The following ATP6V0D1 variants were observed in gnomAD, a reference collection of about 807,000 sequenced individuals.
ATP6V0D1 encodes V-type proton ATPase subunit d 1.
A neutral mutation model predicts 39.0 loss-of-function variants in ATP6V0D1; 13 were observed. That is an observed-to-expected ratio of 0.33 (90% confidence interval 0.22 to 0.53). The LOEUF (loss-of-function observed/expected upper bound fraction) is 0.53. Among genes scored for constraint, ATP6V0D1 ranks in the 20% least tolerant of loss-of-function variants. ATP6V0D1 has a pLI of 0.94. For synonymous variants in ATP6V0D1, 191 were observed against 191.2 expected (o/e 1.00, Z 0.01); for missense variants, 272 against 470.9 (o/e 0.58, Z 3.91).
rs1336013956 is a variant in ATP6V0D1, at chr16:67,452,216, C to T, written c.302+1328G>A. On this transcript the variant is annotated intron_variant, in intron 2 of 7. Coordinates refer to ENST00000290949, the MANE Select transcript of ATP6V0D1 (RefSeq NM_004691.5). ...ACACCCCATTACCAGCCTCCTGCCC[C>T]AGTAGGTCCATGTTGGCATACCTTG... 1.2e-5 allele frequency: 18 copies of T among 1,533,834 alleles called. 1 individual carries two copies. Among genetic ancestry groups the T allele is most frequent in the Middle Eastern group, 1.9e-4 (1 of 5,160 alleles).
At chr16:67,450,442 TG>T (rs2041165792) in intron 2 of ATP6V0D1, among the ~76,000 whole-genome samples, 2 of 152,012 alleles carry the variant, frequency 1.3e-5, no homozygotes, top group African/African-American at 4.8e-5. Context: ...ACACACACAC[TG>T]GGGATGGCCT....
intron 1 of ATP6V0D1, among the ~76,000 whole-genome samples, chr16:67,475,314 T>C (rs548420287): frequency 2.6e-5 from 4 of 152,358 alleles, no homozygotes; most frequent in Admixed American, 6.5e-5. Context: ...CGACTGGCGA[T>C]TGGCCAAGTC....
intron 1 of ATP6V0D1, among the ~76,000 whole-genome samples, chr16:67,479,889 T>C (rs2041450452): frequency 6.6e-6 from 1 of 152,154 alleles, no homozygotes; most frequent in South Asian, 2.1e-4. Flanking sequence ...GTACATCTGT[T>C]GGAGCTGTGC....
chr16:67,471,611 G>A (rs2041373752), intron 1 of ATP6V0D1, among the ~76,000 whole-genome samples: 1 of 151,980 alleles, frequency 6.6e-6, no homozygotes, highest in Non-Finnish European at 1.5e-5. Context: ...CTATCTAGCT[G>A]TAATTTTATA....
rs761293671 is a variant in ATP6V0D1 at position 67,453,683 on chromosome 16, C to T, written c.163G>A (p.Gly55Ser). 3 of 1,613,970 alleles carry T rather than the reference C, an allele frequency of 1.9e-6. No individual in the cohort carries two copies. Among genetic ancestry groups the T allele is most frequent in the African/African-American group, 1.3e-5 (1 of 74,886 alleles). ...LKLHLQSTDY[G>S]NFLANEASPL... ...GATGCCTCGTTGGCCAGGAAGTTAC[C>T]ATAATCAGTGCTCTGCAGATGCAGT... The change falls in exon 2 of 8, where the codon GGT (glycine) becomes AGT (serine). Residue 55 changes from glycine to serine, a missense_variant. This residue lies in a region of ATP6V0D1 where 81 missense variants were observed against 96.0 expected (regional missense o/e 0.84). Coordinates refer to ENST00000290949, the MANE Select transcript of ATP6V0D1 (RefSeq NM_004691.5). The surrounding 1 kb of genome is among the most constrained non-coding windows in gnomAD (Gnocchi z 4.1).
intron 1 of ATP6V0D1, among the ~76,000 whole-genome samples, chr16:67,471,599 TC>T (rs1567542482): frequency 1.3e-5 from 2 of 152,144 alleles, no homozygotes. Context: ...ATAGAACTTC[TC>T]CTATCTAGCT....
intron 1 of ATP6V0D1, chr16:67,458,938 C>T (rs2041266469): frequency 1.7e-6 from 1 of 576,850 alleles, no homozygotes; most frequent in Non-Finnish European, 2.2e-6. Flanking sequence ...ATCTTGGCTC[C>T]CTACTCCCAA....
intron 1 of ATP6V0D1, among the ~76,000 whole-genome samples, chr16:67,460,467 G>C (rs1195650354): frequency 6.6e-6 from 1 of 152,082 alleles, no homozygotes; most frequent in Non-Finnish European, 1.5e-5. Context: ...ACCACATCTG[G>C]AACTCTCAGT....
chr16:67,445,913 G>A (rs1487012232), intron 2 of ATP6V0D1: 2 of 455,778 alleles, frequency 4.4e-6, no homozygotes, highest in African/African-American at 4.0e-5. Flanking sequence ...CTCAGGGTAT[G>A]AGGGAGCTAA....
chr16:67,438,421 G>A lies in ATP6V0D1; in HGVS notation c.*107C>T. The A allele has an allele frequency of 4.4e-6, 6 of 1,371,472 alleles. No individual in the cohort carries two copies. Among genetic ancestry groups the A allele is most frequent in the Non-Finnish European group, 5.0e-6 (5 of 1,001,246 alleles). The allele number at this position is 1,371,472 out of a possible 1,614,324, so 85.0% of individuals were successfully genotyped here. A position where few individuals can be genotyped will look rare whatever the true frequency, so the allele number is the denominator to read the frequency against. On this transcript the variant is annotated 3_prime_UTR_variant, in exon 8 of 8. Transcript: ENST00000290949. ...CAGCGTACTACACCCCGGACAGGCA[G>A]GTGAGCCACAGGCTTGTCACAGACC...
chr16:67,438,920 G>A (rs2041011581), intron 6 of ATP6V0D1, 50 bp from the exon 7 acceptor site: 12 of 1,613,380 alleles, frequency 7.4e-6, no homozygotes, highest in South Asian at 2.2e-5. Flanking sequence ...CTGGGTGGGG[G>A]TGCTTGGTGA....
intron 1 of ATP6V0D1, chr16:67,459,369 C>T (rs1402333580): frequency 1.5e-6 from 1 of 654,434 alleles, no homozygotes; most frequent in Non-Finnish European, 1.9e-6. Flanking sequence ...ATTGCCCTGG[C>T]TCCAGCAGGG....
intron 1 of ATP6V0D1, among the ~76,000 whole-genome samples, chr16:67,465,871 C>T (rs2041324863): frequency 2.0e-5 from 3 of 152,182 alleles, no homozygotes; most frequent in Admixed American, 2.0e-4. Context: ...ACCCAAGGGA[C>T]AGTGCTGGTG....
In ATP6V0D1 at chr16:67,481,108, A is replaced by G. The variant is rs1237994923; in HGVS notation, c.-22T>C. 1.9e-6 allele frequency: 3 copies of G among 1,613,324 alleles called. No individual in the cohort carries two copies. The highest frequency in any genetic ancestry group is 1.1e-5 in the South Asian group (1 of 91,036). ...ACATGGCTGCTGCGGGAGCGGCGGG[A>G]CCGGAGAACCAGGACCGGCCGGCAC... On this transcript the variant is annotated 5_prime_UTR_variant, in exon 1 of 8. Coordinates refer to ENST00000290949, the MANE Select transcript of ATP6V0D1 (RefSeq NM_004691.5).
Position 67,444,803 on chromosome 16 carries a change from C to T in ATP6V0D1, c.303-97G>A. 8.5e-7 allele frequency: 1 copy of T among 1,173,792 alleles called. No homozygotes were observed. The highest frequency in any genetic ancestry group is 1.2e-6 in the Non-Finnish European group (1 of 852,678). 72.7% of individuals were successfully genotyped at this position (1,173,792 alleles called of 1,614,324 possible). A position where few individuals can be genotyped will look rare whatever the true frequency, so the allele number is the denominator to read the frequency against. On this transcript the variant is annotated intron_variant, in intron 2 of 7. Transcript: ENST00000290949. This position sits in a 1 kb window ranked among gnomAD's most constrained non-coding sequence, Gnocchi z 4.8. The stretch of plus-strand genomic sequence containing the variant: ...CTCGCCCGCCTGCACAGGCCATCAC[C>T]CCTTAACAATGTATGCTGACTCATG...
At chr16:67,474,351 G>A (rs1165771146) in intron 1 of ATP6V0D1, among the ~76,000 whole-genome samples, 4 of 152,194 alleles carry the variant, frequency 2.6e-5, no homozygotes, top group South Asian at 2.1e-4. Flanking sequence ...AAGTGGCTGC[G>A]CTGGGATCAG....
chr16:67,457,727 A>G (rs2041252275), intron 1 of ATP6V0D1: 1 of 1,058,796 alleles, frequency 9.4e-7, no homozygotes. Context: ...CAGGCCCCCC[A>G]CTCCTGGGCT....
intron 1 of ATP6V0D1, chr16:67,454,440 A>G (rs945175216): frequency 1.3e-5 from 2 of 152,662 alleles, no homozygotes; most frequent in African/African-American, 4.8e-5. Flanking sequence ...GGTAAGGGAA[A>G]AGGAAGGAGA....
At chr16:67,468,213 G>A (rs768742844) in intron 1 of ATP6V0D1, among the ~76,000 whole-genome samples, 37 of 152,292 alleles carry the variant, frequency 2.4e-4, no homozygotes, top group Non-Finnish European at 4.6e-4. Context: ...GATCACTTGA[G>A]CCCAGGAGGT....
Sources: gnomAD v4.1 joint callset for allele counts (sites outside exome capture counted in the v4.1 genomes callset) on GRCh38, gnomAD v4.1.1 for gene constraint, gnomAD v4.1.1 regional missense constraint, Gnocchi (gnomAD v3.1) non-coding constraint, MANE v1.5 for transcripts, NCBI Gene and HGNC (gene_info 2026-07-23, HGNC 2026-07-21) for gene names.